The following PDE1A variants were observed in gnomAD, a reference collection of about 807,000 sequenced individuals.
PDE1A encodes the protein dual specificity calcium/calmodulin-dependent 3',5'-cyclic nucleotide phosphodiesterase 1A.
In PDE1A, 35 loss-of-function variants were observed where a neutral mutation model predicts 61.7. That is an observed-to-expected ratio of 0.57 (90% CI 0.43 to 0.75). The LOEUF is 0.75. Ranked by LOEUF, PDE1A falls within the 30% of genes least tolerant of loss-of-function variation. The probability of loss-of-function intolerance (pLI) is 0.00; values close to 1 mark genes in which losing one functional copy is unlikely to be tolerated. For synonymous variants in PDE1A, 232 were observed against 213.2 expected (o/e 1.09, Z -0.77); for missense variants, 597 against 630.6 (o/e 0.95, Z 0.57).
At chr2:182,151,221 G>A (rs1690762065) in intron 13 of PDE1A, among the ~76,000 whole-genome samples, 1 of 152,132 alleles carries the variant, frequency 6.6e-6, no homozygotes, top group South Asian at 2.1e-4. Flanking sequence ...TCAAGTAGCT[G>A]GGACTATAGG....
chr2:182,462,324 TA>T (rs1409102759), intron 2 of PDE1A, among the ~76,000 whole-genome samples: 3 of 148,624 alleles, frequency 2.0e-5, no homozygotes, highest in South Asian at 4.2e-4. Flanking sequence ...AATAGACATA[TA>T]AAAAAGTATA....
At chr2:182,206,647 T>A (rs1687128239) in intron 7 of PDE1A, among the ~76,000 whole-genome samples, 1 of 152,196 alleles carries the variant, frequency 6.6e-6, no homozygotes, top group Non-Finnish European at 1.5e-5. Context: ...GTAGATGGAA[T>A]CATACAGTAT....
chr2:182,427,119 A>G, upstream of PDE1A: 3 of 541,922 alleles, frequency 5.5e-6, no homozygotes, highest in Non-Finnish European at 7.1e-6. Context: ...CAGCTGGTTC[A>G]GCAGCCCCAT....
At chr2:182,444,428 TG>T (rs1685001577) in intron 2 of PDE1A, among the ~76,000 whole-genome samples, 1 of 152,154 alleles carries the variant, frequency 6.6e-6, no homozygotes, top group African/African-American at 2.4e-5. Flanking sequence ...AATCATTAAC[TG>T]TAACTTTCCT....
At chr2:182,305,578 G>C (rs1315462924) in intron 1 of PDE1A, among the ~76,000 whole-genome samples, 1 of 151,962 alleles carries the variant, frequency 6.6e-6, no homozygotes, top group Non-Finnish European at 1.5e-5. Context: ...CCTACAAATT[G>C]CAAGAGATTA....
At chr2:182,346,382 A>G (rs1698519383) in intron 1 of PDE1A, among the ~76,000 whole-genome samples, 1 of 152,208 alleles carries the variant, frequency 6.6e-6, no homozygotes, top group African/African-American at 2.4e-5. Flanking sequence ...AATTTCCATA[A>G]AAGAGCAGAC....
intron 1 of PDE1A, among the ~76,000 whole-genome samples, chr2:182,274,647 T>C (rs982343966): frequency 6.6e-5 from 10 of 152,152 alleles, no homozygotes; most frequent in Admixed American, 5.2e-4. Context: ...TTATATGTAT[T>C]ATAAAAATTA....
At chr2:182,276,460 TC>T (rs1049312830) in intron 1 of PDE1A, among the ~76,000 whole-genome samples, 2 of 152,152 alleles carry the variant, frequency 1.3e-5, no homozygotes, top group African/African-American at 4.8e-5. Flanking sequence ...ATTTATCAGT[TC>T]CCAAATAATA....
intron 1 of PDE1A, among the ~76,000 whole-genome samples, chr2:182,294,037 C>T (rs907107195): frequency 1.3e-5 from 2 of 152,164 alleles, no homozygotes; most frequent in African/African-American, 2.4e-5. Flanking sequence ...AGCACAGCTA[C>T]GCTGGACATA....
the PDE1A span, among the ~76,000 whole-genome samples, chr2:182,711,315 G>C: frequency 6.6e-6 from 1 of 152,096 alleles, no homozygotes; most frequent in Non-Finnish European, 1.5e-5. Flanking sequence ...CTCATTCAGT[G>C]ATAACGAGAA....
chr2:182,471,917 T>C (rs1278548070), intron 2 of PDE1A, among the ~76,000 whole-genome samples: 2 of 151,874 alleles, frequency 1.3e-5, no homozygotes, highest in South Asian at 4.1e-4. Flanking sequence ...GAATAGACTA[T>C]ATTTTTAAAG....
chr2:182,706,905 A>G, the PDE1A span, among the ~76,000 whole-genome samples: 295 of 152,342 alleles, frequency 1.9e-3, 1 homozygote, highest in African/African-American at 6.8e-3. Context: ...ACCCAAAAGT[A>G]AAACTGGCAG....
intron 12 of PDE1A, 150 bp from the exon 13 acceptor site, chr2:182,186,229 T>G: frequency 1.2e-6 from 1 of 855,926 alleles, no homozygotes; most frequent in Non-Finnish European, 1.8e-6. Flanking sequence ...TCATCTCCTT[T>G]CTCTCCCTCC....
intron 2 of PDE1A, among the ~76,000 whole-genome samples, chr2:182,263,257 A>G (rs1287194717): frequency 6.6e-6 from 1 of 152,168 alleles, no homozygotes; most frequent in Non-Finnish European, 1.5e-5. Context: ...GCTGTCATCT[A>G]TGTGACAAAT....
At chr2:182,477,833 A>T (rs1313289200) in intron 2 of PDE1A, among the ~76,000 whole-genome samples, 1 of 151,986 alleles carries the variant, frequency 6.6e-6, no homozygotes, top group Non-Finnish European at 1.5e-5. Context: ...TTTTGACAGA[A>T]GCTGTATGAT....
intron 2 of PDE1A, among the ~76,000 whole-genome samples, chr2:182,252,180 G>T (rs1691449314): frequency 1.3e-5 from 2 of 152,144 alleles, no homozygotes; most frequent in Non-Finnish European, 2.9e-5. Flanking sequence ...TCAAGTATTT[G>T]CACTAGTTAG....
chr2:182,656,008 T>C, the PDE1A span, among the ~76,000 whole-genome samples: 1 of 152,230 alleles, frequency 6.6e-6, no homozygotes, highest in Non-Finnish European at 1.5e-5. Flanking sequence ...TTGGCTGACC[T>C]GACCCTGTGG....
chr2:182,240,552 G>A (rs1019381413), intron 2 of PDE1A, among the ~76,000 whole-genome samples: 6 of 152,130 alleles, frequency 3.9e-5, no homozygotes, highest in Non-Finnish European at 8.8e-5. Flanking sequence ...TGATACACCA[G>A]TCTAGAGGTA....
the PDE1A span, among the ~76,000 whole-genome samples, chr2:182,691,018 C>G: frequency 5.9e-5 from 9 of 151,968 alleles, no homozygotes; most frequent in Non-Finnish European, 8.8e-5. Flanking sequence ...CACTGCTCAA[C>G]GAAATAAAAG....
Sources: gnomAD v4.1 joint callset for allele counts (sites outside exome capture counted in the v4.1 genomes callset) on GRCh38, gnomAD v4.1.1 for gene constraint, MANE v1.5 for transcripts, NCBI Gene and HGNC (gene_info 2026-07-23, HGNC 2026-07-21) for gene names.